SOS1: variants seen among roughly 807,000 people sequenced by gnomAD.
SOS1 encodes the protein SOS Ras/Rac guanine nucleotide exchange factor 1.
A neutral mutation model predicts 157.6 loss-of-function variants in SOS1; 25 were observed. The observed-to-expected ratio is 0.16, with a 90% CI of 0.12 to 0.22. The LOEUF is 0.22. Among genes scored for constraint, SOS1 ranks in the 10% least tolerant of loss-of-function variants. The probability of loss-of-function intolerance (pLI) is 1.00; values close to 1 mark genes in which losing one functional copy is unlikely to be tolerated. For synonymous variants in SOS1, 528 were observed against 534.0 expected, an observed-to-expected ratio of 0.99 and a Z score of 0.16; for missense variants, 1,237 against 1,599.1, an observed-to-expected ratio of 0.77 and a Z score of 3.86.
intron 8 of SOS1, among the ~76,000 whole-genome samples, chr2:39,025,490 C>T (rs895849901): frequency 7.9e-5 from 12 of 151,664 alleles, no homozygotes; most frequent in African/African-American, 2.2e-4. Flanking sequence ...GCTGCGATTA[C>T]GGGTGTCTGT....
At chr2:39,002,714 G>C (rs1371342722) in intron 17 of SOS1, among the ~76,000 whole-genome samples, 1 of 152,058 alleles carries the variant, frequency 6.6e-6, no homozygotes, top group Non-Finnish European at 1.5e-5. Context: ...AAAACATATA[G>C]GCTTTAATAT....
rs1272144149 is a variant in SOS1 at position 39,120,476 on chromosome 2, G to T, written c.-54C>A. The T allele has an allele frequency of 2.6e-5, 38 of 1,472,014 alleles. 1 individual carries two copies. The highest frequency in any genetic ancestry group is 1.5e-4 in the South Asian group (12 of 77,906). 91.2% of individuals were successfully genotyped at this position (1,472,014 alleles called of 1,614,324 possible). On this transcript the variant is annotated 5_prime_UTR_variant, in exon 1 of 23. Transcript: ENST00000402219. ...AGAGGGGCGGCGGCGGCCGGGCCAG[G>T]GAGCCGCGAGAGGGCGAGCTCGCAG...
chr2:39,036,262 G>A (rs983193122), intron 6 of SOS1, among the ~76,000 whole-genome samples: 26 of 152,304 alleles, frequency 1.7e-4, no homozygotes, highest in African/African-American at 6.0e-4. Context: ...AGGACATCTA[G>A]TGGAGGAGCA....
chr2:39,084,469 G>A (rs1416920210), intron 1 of SOS1, among the ~76,000 whole-genome samples: 1 of 151,944 alleles, frequency 6.6e-6, no homozygotes, highest in Admixed American at 6.6e-5. Context: ...TTGTCAACAT[G>A]GGTTATAAAT....
intron 1 of SOS1, among the ~76,000 whole-genome samples, chr2:39,084,508 G>C (rs1672306345): frequency 1.3e-5 from 2 of 152,026 alleles, no homozygotes; most frequent in South Asian, 2.1e-4. Context: ...GATGTGAAGA[G>C]AAGAGAAGAA....
intron 2 of SOS1, among the ~76,000 whole-genome samples, chr2:39,063,090 T>G (rs886996752): frequency 1.3e-5 from 2 of 152,080 alleles, no homozygotes; most frequent in Non-Finnish European, 2.9e-5. Context: ...AATACAAAAT[T>G]TAAAATACAA....
intron 2 of SOS1, among the ~76,000 whole-genome samples, chr2:39,062,243 C>T (rs1056804843): frequency 1.3e-5 from 2 of 151,358 alleles, no homozygotes; most frequent in African/African-American, 2.4e-5. Context: ...TACAGTAAAA[C>T]CCTGTCTCTA....
rs1673849386 is a variant in SOS1, at chr2:39,120,723, C to T, written c.-301G>A. 6.8e-6 allele frequency among the ~76,000 whole-genome samples: 1 copy of T among 146,932 alleles called. No homozygotes were observed. Among genetic ancestry groups the T allele is most frequent in the East Asian group, 2.0e-4 (1 of 5,106 alleles). On this transcript the variant is annotated 5_prime_UTR_variant, in exon 1 of 23. Coordinates refer to ENST00000402219, the MANE Select transcript of SOS1 (RefSeq NM_005633.4). ...CCCCTCCCCGGCCCGCCGGCGCCGC[C>T]CCGGGCTGCCCTCTGCCGCGGCCGC...
intron 5 of SOS1, among the ~76,000 whole-genome samples, chr2:39,052,344 T>C (rs1458921054): frequency 6.6e-6 from 1 of 152,220 alleles, no homozygotes; most frequent in Non-Finnish European, 1.5e-5. Flanking sequence ...ACGAAACTCC[T>C]ATTTTAAATG....
At chr2:39,091,017 C>CT (rs966719252) in intron 1 of SOS1, among the ~76,000 whole-genome samples, 1 of 152,076 alleles carries the variant, frequency 6.6e-6, no homozygotes, top group Admixed American at 6.5e-5. Context: ...TACCGGTGCA[C>CT]GCCACCACAC....
intron 8 of SOS1, 30 bp downstream of exon 8, chr2:39,035,182 G>T: frequency 1.4e-6 from 2 of 1,468,954 alleles, no homozygotes; most frequent in Non-Finnish European, 1.9e-6. Context: ...ACTTGAATAT[G>T]TTACAAATAA....
chr2:38,993,184 G>C (rs1668785089), intron 20 of SOS1: 1 of 152,206 alleles, frequency 6.6e-6, no homozygotes, highest in South Asian at 2.1e-4. Flanking sequence ...TTTTGAGACA[G>C]GGTCTCACTC....
At position 38,982,548 on chromosome 2, in the gene SOS1, A is replaced by G. The variant is rs1476534951; in HGVS notation, c.*3276T>C. 1.3e-5 allele frequency: 2 copies of G among 152,180 alleles called. No individual in the cohort carries two copies. Among genetic ancestry groups the G allele is most frequent in the Admixed American group, 6.5e-5 (1 of 15,272 alleles). 9.4% of individuals were successfully genotyped at this position (152,180 alleles called of 1,614,324 possible). On this transcript the variant is annotated 3_prime_UTR_variant, in exon 23 of 23. Coordinates refer to ENST00000402219, the MANE Select transcript of SOS1 (RefSeq NM_005633.4). ...CTATACTTGCGTAGTCACACAATATATGTTAAAAGAATAAGTAAACCTATT... is the reference window on the plus strand; with the variant it reads ...CTATACTTGCGTAGTCACACAATATGTGTTAAAAGAATAAGTAAACCTATT...
At chr2:39,035,680 A>G (rs1670317098) in intron 6 of SOS1, among the ~76,000 whole-genome samples, 180 bp from the exon 7 acceptor site, 1 of 152,202 alleles carries the variant, frequency 6.6e-6, no homozygotes, top group Admixed American at 6.5e-5. Context: ...CAAGTAAGAG[A>G]GTAAATCAGT....
At chr2:39,061,240 T>G (rs1359471073) in intron 2 of SOS1, among the ~76,000 whole-genome samples, 2 of 126,928 alleles carry the variant, frequency 1.6e-5, no homozygotes, top group Non-Finnish European at 3.2e-5. Flanking sequence ...GCGGAAAGAT[T>G]CGTAGGGTTA....
At position 38,982,554 on chromosome 2, in the gene SOS1, AAAG is replaced by A. The variant is rs1242769782; in HGVS notation, c.*3267_*3269del. The A allele has an allele frequency of 1.3e-5, 2 of 152,324 alleles. No homozygotes were observed. Among genetic ancestry groups the A allele is most frequent in the South Asian group, 4.1e-4 (2 of 4,828 alleles). 9.4% of individuals were successfully genotyped at this position (152,324 alleles called of 1,614,324 possible). A position where few individuals can be genotyped will look rare whatever the true frequency, so the allele number is the denominator to read the frequency against. ...TTGCGTAGTCACACAATATATGTTA[AAAG>A]AATAAGTAAACCTATTCACAGCAGC... On this transcript the variant is annotated 3_prime_UTR_variant, in exon 23 of 23. Transcript: ENST00000402219.
At chr2:38,987,654 A>G in intron 21 of SOS1, 63 bp from the exon 22 acceptor site, 1 of 837,686 alleles carries the variant, frequency 1.2e-6, no homozygotes, top group East Asian at 2.5e-5. Context: ...ATTTACCTTG[A>G]AAAGTCTTAG....
At position 39,040,260 on chromosome 2, in the gene SOS1, G is replaced by A. The variant is rs549033600; in HGVS notation, c.865-4760C>T. 5.9e-4 allele frequency among the ~76,000 whole-genome samples: 90 copies of A among 151,860 alleles called. 2 individuals are homozygous for A. The South Asian group carries it at 0.015, about 25-fold the overall frequency. ...TCTCGATCTCCTGACCTTGTGATCC[G>A]CCCGCCTTGGCCTCTCAAAGTGCTG... is the stretch of plus-strand genomic sequence containing the variant. On this transcript the variant is annotated intron_variant, in intron 6 of 22. Transcript: ENST00000402219.
intron 1 of SOS1, among the ~76,000 whole-genome samples, chr2:39,090,470 C>T (rs1424732851): frequency 6.6e-5 from 10 of 151,876 alleles, no homozygotes; most frequent in South Asian, 4.2e-4. Context: ...CCGAGGTGGG[C>T]GGATTACCTG....
Sources: allele counts gnomAD v4.1 joint callset (sites outside exome capture counted in the v4.1 genomes callset), GRCh38; gene constraint gnomAD v4.1.1; transcripts MANE v1.5; gene names NCBI Gene and HGNC (gene_info 2026-07-23, HGNC 2026-07-21).